The following MINDY4B variants were observed in gnomAD, a reference collection of about 807,000 sequenced individuals.
The protein encoded by MINDY4B is MINDY family member 4B.
MINDY4B carries 25 observed loss-of-function variants against 16.7 expected under a neutral mutation model. The observed-to-expected ratio is 1.49, with a 90% CI of 1.09 to 2.09. The LOEUF (loss-of-function observed/expected upper bound fraction) is 2.09, where lower values mean the gene tolerates loss of function less well. Ranked by LOEUF, MINDY4B falls within the 30% of genes most tolerant of loss-of-function variation. The probability of loss-of-function intolerance (pLI) is 0.00; values close to 1 mark genes in which losing one functional copy is unlikely to be tolerated. For missense variants in MINDY4B, 327 were observed against 168.4 expected, an observed-to-expected ratio of 1.94 and a Z score of -5.21; for synonymous variants, 132 against 61.9, an observed-to-expected ratio of 2.13 and a Z score of -5.32.
chr3:150,879,272 TA>T (rs1378385486), intron 10 of MINDY4B, among the ~76,000 whole-genome samples: 3 of 152,200 alleles, frequency 2.0e-5, no homozygotes, highest in Non-Finnish European at 4.4e-5. Flanking sequence ...GGTTCTCAAC[TA>T]GGGTCAATTT....
chr3:150,897,191 G>A (rs1711994078), intron 3 of MINDY4B, among the ~76,000 whole-genome samples: 3 of 152,110 alleles, frequency 2.0e-5, no homozygotes, highest in South Asian at 4.1e-4. Context: ...TCACACTCTG[G>A]AACATGCCAC....
Position 150,893,312 on chromosome 3 carries a change from C to G in MINDY4B, c.521+12G>C. On this transcript the variant is annotated intron_variant, in intron 5 of 11. Coordinates refer to ENST00000465419, the MANE Select transcript of MINDY4B (RefSeq NM_001351281.2). ...AAATGGGTAATTCAAGTACTTCTCA[C>G]AGTCCTCTTACTTGCCAAGGTTACA... 1 of 702,744 alleles carries G rather than the reference C, an allele frequency of 1.4e-6. No homozygotes were observed. The highest frequency in any genetic ancestry group is 1.5e-5 in the South Asian group (1 of 67,592). 43.5% of individuals were successfully genotyped at this position (702,744 alleles called of 1,614,324 possible).
chr3:150,893,430 A>G lies in MINDY4B; in HGVS notation c.430-15T>C. ...CGGGCCCCTCCCTGAAATGAGGAGA[A>G]TGAATGACGAGGTGAAGAACTCTTG... On this transcript the variant is annotated splice_polypyrimidine_tract_variant and intron_variant, in intron 4 of 11. Coordinates refer to ENST00000465419, the MANE Select transcript of MINDY4B (RefSeq NM_001351281.2). 1 of 702,708 alleles carries G rather than the reference A, an allele frequency of 1.4e-6. No individual in the cohort carries two copies. The allele number at this position is 702,708 out of a possible 1,614,324, so 43.5% of individuals were successfully genotyped here.
intron 6 of MINDY4B, 180 bp from the exon 7 acceptor site, chr3:150,890,565 C>G: frequency 2.1e-6 from 1 of 485,238 alleles, no homozygotes; most frequent in East Asian, 3.0e-5. Context: ...AACTGGGTAG[C>G]TACCAGCATC....
At chr3:150,890,822 C>A in intron 6 of MINDY4B, 116 bp downstream of exon 6, 2 of 620,232 alleles carry the variant, frequency 3.2e-6, no homozygotes, top group South Asian at 3.6e-5. Context: ...TTGGAAGGCA[C>A]CTCCGGTCAC....
rs1716956339 is a variant in MINDY4B at position 150,871,138 on chromosome 3, T to A, written c.1290A>T (p.Gly430=). The change falls in exon 12 of 12, where the codon GGA becomes GGT. Residue 430 remains glycine (G), a synonymous_variant. Transcript: ENST00000465419. ...WERDQQEEKH[G]PRRRFSPVEM... ...CCACTGGTGAAAACCGTCGTCTTGG[T>A]CCATGTTTCTCTTCCTGTTGGTCTC... 4.3e-6 allele frequency: 3 copies of A among 702,840 alleles called. No individual in the cohort carries two copies. Among genetic ancestry groups the A allele is most frequent in the Non-Finnish European group, 7.8e-6 (3 of 384,830 alleles). 43.5% of individuals were successfully genotyped at this position (702,840 alleles called of 1,614,324 possible).
In MINDY4B at chr3:150,894,216, A is replaced by G. The variant is rs773712023; in HGVS notation, c.399T>C (p.Ser133=). ...KAYFRFHDPS[S]ELAFTLEVGK... ...CCACTTCCAGAGTGAAAGCTAGTTC[A>G]GAAGAAGGATCATGGAACCTGAAAT... Residue 133 remains serine, a synonymous_variant, in exon 4 of 12, where the codon TCT becomes TCC. Transcript: ENST00000465419. 2.3e-5 allele frequency: 16 copies of G among 700,490 alleles called. No homozygotes were observed. The highest frequency in any genetic ancestry group is 7.0e-5 in the African/African-American group (4 of 57,082). 43.4% of individuals were successfully genotyped at this position (700,490 alleles called of 1,614,324 possible).
chr3:150,899,999 G>A (rs1245647817), intron 3 of MINDY4B, among the ~76,000 whole-genome samples: 2 of 152,190 alleles, frequency 1.3e-5, no homozygotes, highest in Non-Finnish European at 2.9e-5. Flanking sequence ...CTACAGAAAT[G>A]TGTTCAAGGC....
rs570502298 is a variant in MINDY4B, at chr3:150,873,657, C to A, written c.1060-290G>T. Among the ~76,000 whole-genome samples the A allele has an allele frequency of 8.6e-5, 13 of 151,990 alleles. 1 individual carries two copies. The highest frequency in any genetic ancestry group is 2.7e-4 in the African/African-American group (11 of 41,420). On this transcript the variant is annotated intron_variant, in intron 10 of 11. Transcript: ENST00000465419. ...AAACAACTTCAGTTTGGCTTTGAGGCGAAGTGAAGAATAAATATATAAACT... is the reference window on the plus strand; with the variant it reads ...AAACAACTTCAGTTTGGCTTTGAGGAGAAGTGAAGAATAAATATATAAACT...
At chr3:150,891,828 G>A (rs987849037) in intron 5 of MINDY4B, among the ~76,000 whole-genome samples, 4 of 150,022 alleles carry the variant, frequency 2.7e-5, no homozygotes, top group Non-Finnish European at 4.4e-5. Flanking sequence ...AAGATAGAAT[G>A]AGAATAACAG....
At chr3:150,901,257 T>G (rs1445745026) in intron 3 of MINDY4B, 1 of 152,168 alleles carries the variant, frequency 6.6e-6, no homozygotes, top group Non-Finnish European at 1.5e-5. Flanking sequence ...TATACCACAG[T>G]GTAGGCAGCA....
rs555825690 is a variant in MINDY4B at position 150,894,864 on chromosome 3, C to CTCGA, written c.310-563_310-560dup. Among the ~76,000 whole-genome samples the CTCGA allele has an allele frequency of 8.5e-4, 129 of 152,342 alleles. 1 individual carries two copies. Among genetic ancestry groups the CTCGA allele is most frequent in the African/African-American group, 3.0e-3 (124 of 41,578 alleles). On this transcript the variant is annotated intron_variant, in intron 3 of 11. Transcript: ENST00000465419. ...AGACTGATTGATCATTTAGCATGTA[C>CTCGA]TCGATCTTGTGTGGGATATAGTTAT...
In MINDY4B at chr3:150,891,229, A is replaced by C. The variant is rs1711796982; in HGVS notation, c.522-126T>G. The C allele has an allele frequency of 6.5e-6, 4 of 612,542 alleles. No individual in the cohort carries two copies. The East Asian group carries it at 1.1e-4, about 17-fold the overall frequency. 37.9% of individuals were successfully genotyped at this position (612,542 alleles called of 1,614,324 possible). On this transcript the variant is annotated intron_variant, in intron 5 of 11. Coordinates refer to ENST00000465419, the MANE Select transcript of MINDY4B (RefSeq NM_001351281.2). ...GAGAGCAGCGATTTACACCCAGCTC[A>C]CCTGGCTCCAAAGTTCCTGCCCTTG...
Position 150,891,027 on chromosome 3 carries a change from C to T in MINDY4B, c.598G>A (p.Ala200Thr), listed in dbSNP as rs1299661833. The T allele has an allele frequency of 4.3e-6, 3 of 702,880 alleles. No homozygotes were observed. Among genetic ancestry groups the T allele is most frequent in the Non-Finnish European group, 5.2e-6 (2 of 384,850 alleles). The allele number at this position is 702,880 out of a possible 1,614,324, so 43.5% of individuals were successfully genotyped here. Reference protein sequence around the residue: ...ALAGILWAAGAAQKATICLVT... With the variant: ...ALAGILWAAGTAQKATICLVT... ...AGACAGATGGTGGCCTTCTGAGCTG[C>T]TCCTGCAGCCCACAGGATGCCAGCA... The change falls in exon 6 of 12, where the codon GCA becomes ACA. Residue 200 changes from alanine (A) to threonine (T), a missense_variant. Physicochemically the swap from Ala to Thr is moderately conservative, Grantham distance 58. Transcript: ENST00000465419.
chr3:150,897,452 C>T (rs1293044000), intron 3 of MINDY4B, among the ~76,000 whole-genome samples: 1 of 151,922 alleles, frequency 6.6e-6, no homozygotes, highest in Non-Finnish European at 1.5e-5. Flanking sequence ...ATATCATATT[C>T]AGGCACTTGC....
intron 3 of MINDY4B, among the ~76,000 whole-genome samples, chr3:150,897,410 A>C (rs1712004724): frequency 1.3e-5 from 2 of 150,642 alleles, no homozygotes; most frequent in Admixed American, 1.3e-4. Flanking sequence ...CAGATTGCAA[A>C]GTACCCTGGG....
intron 10 of MINDY4B, among the ~76,000 whole-genome samples, chr3:150,875,568 T>G (rs897914193): frequency 1.3e-5 from 2 of 152,212 alleles, no homozygotes; most frequent in African/African-American, 4.8e-5. Context: ...AGGTGCTGAC[T>G]GACACACTAT....
intron 3 of MINDY4B, 66 bp from the exon 4 acceptor site, chr3:150,894,371 GCCTCATGGCCA>G (rs2107907481): frequency 3.2e-6 from 2 of 618,914 alleles, no homozygotes; most frequent in East Asian, 5.5e-5. Flanking sequence ...CCTCATGGTG[GCCTCATGGCCA>G]CCTCAAGGAG....
At chr3:150,872,461 T>C (rs1430753046) in intron 11 of MINDY4B, among the ~76,000 whole-genome samples, 1 of 152,224 alleles carries the variant, frequency 6.6e-6, no homozygotes, top group Non-Finnish European at 1.5e-5. Context: ...TCCCAGTTTG[T>C]CCAGTGTTAA....
Sources: allele counts gnomAD v4.1 joint callset (sites outside exome capture counted in the v4.1 genomes callset), GRCh38; gene constraint gnomAD v4.1.1; transcripts MANE v1.5; gene names NCBI Gene and HGNC (gene_info 2026-07-23, HGNC 2026-07-21).